Variants in RIT2 observed in about 807,000 individuals in gnomAD.
RIT2 encodes the protein Ras like without CAAX 2.
A neutral mutation model predicts 23.7 loss-of-function variants in RIT2; 24 were observed. The observed-to-expected ratio is 1.01, with a 90% CI of 0.73 to 1.43. The LOEUF is 1.43. RIT2 is among the 40% of genes most tolerant of loss of function. The pLI is 0.00. For synonymous variants in RIT2, 107 were observed against 91.1 expected (o/e 1.17, Z -0.99); for missense variants, 236 against 266.9 (o/e 0.88, Z 0.81).
At chr18:43,075,469 G>A (rs1332596174) in intron 1 of RIT2, among the ~76,000 whole-genome samples, 3 of 152,026 alleles carry the variant, frequency 2.0e-5, no homozygotes, top group Non-Finnish European at 4.4e-5. Flanking sequence ...AATTAGTTTA[G>A]AAACTGTGAG....
At chr18:43,012,687 C>A (rs1911377852) in intron 2 of RIT2, among the ~76,000 whole-genome samples, 1 of 150,890 alleles carries the variant, frequency 6.6e-6, no homozygotes, top group African/African-American at 2.4e-5. Flanking sequence ...TAATATAGTT[C>A]CATAGTATGA....
chr18:42,837,153 C>CTGTTTT (rs1906630342), intron 4 of RIT2, among the ~76,000 whole-genome samples: 1 of 51,682 alleles, frequency 1.9e-5, no homozygotes, highest in Non-Finnish European at 3.6e-5. Flanking sequence ...TTTTCTTTTT[C>CTGTTTT]TTTTTTTTTT....
At chr18:42,873,113 G>A (rs996713685) in intron 4 of RIT2, among the ~76,000 whole-genome samples, 7 of 152,148 alleles carry the variant, frequency 4.6e-5, no homozygotes, top group Non-Finnish European at 8.8e-5. Flanking sequence ...GACTTCATAT[G>A]ACTGGGTGTG....
At chr18:42,919,206 C>T (rs1598714510) in intron 4 of RIT2, among the ~76,000 whole-genome samples, 3 of 152,186 alleles carry the variant, frequency 2.0e-5, no homozygotes, top group Admixed American at 6.6e-5. Flanking sequence ...TCCTAATTCT[C>T]ATGGTTCCAA....
intron 1 of RIT2, among the ~76,000 whole-genome samples, chr18:43,065,215 TG>T (rs1488312110): frequency 2.8e-5 from 4 of 140,922 alleles, no homozygotes; most frequent in African/African-American, 7.8e-5. Flanking sequence ...TTCACTTTTT[TG>T]GGTTTTTTTT....
At chr18:43,034,249 C>T (rs924868424) in intron 1 of RIT2, among the ~76,000 whole-genome samples, 3 of 152,130 alleles carry the variant, frequency 2.0e-5, no homozygotes, top group Non-Finnish European at 4.4e-5. Flanking sequence ...TGTACATTCT[C>T]TGGGACTCTA....
chr18:42,909,375 T>C (rs2144116937), intron 4 of RIT2, among the ~76,000 whole-genome samples: 2 of 152,206 alleles, frequency 1.3e-5, no homozygotes, highest in East Asian at 3.9e-4. Context: ...GGGGACAGTG[T>C]ACACGGCTCA....
At chr18:42,895,771 C>T (rs1908312208) in intron 4 of RIT2, among the ~76,000 whole-genome samples, 1 of 152,184 alleles carries the variant, frequency 6.6e-6, no homozygotes, top group Non-Finnish European at 1.5e-5. Flanking sequence ...TCTCTATTAA[C>T]TGGCATAAAG....
chr18:42,981,430 T>C (rs1910596190), intron 2 of RIT2, among the ~76,000 whole-genome samples: 1 of 152,284 alleles, frequency 6.6e-6, no homozygotes, highest in East Asian at 1.9e-4. Flanking sequence ...AGGATTCCAA[T>C]GTACCTCTGA....
chr18:42,869,104 T>C lies in RIT2; in HGVS notation c.426+54468A>G, dbSNP rs910189059. On this transcript the variant is annotated intron_variant, in intron 4 of 4. Transcript: ENST00000326695. Reference sequence around the variant, plus strand: ...GTGGAACAAATTTTATTATTTCCTCTAAATCAGCAGTCCCCAAACTTATTG... The same window carrying C: ...GTGGAACAAATTTTATTATTTCCTCCAAATCAGCAGTCCCCAAACTTATTG... Among the ~76,000 whole-genome samples, 6 of 152,352 alleles carry C rather than the reference T, an allele frequency of 3.9e-5. No homozygotes were observed. In the East Asian group the frequency reaches 7.7e-4, roughly 20 times the overall value.
At chr18:42,956,646 C>A (rs1007077850) in intron 3 of RIT2, among the ~76,000 whole-genome samples, 1 of 152,154 alleles carries the variant, frequency 6.6e-6, no homozygotes, top group East Asian at 1.9e-4. Context: ...GGAGCAGTAC[C>A]ATCAATGGGC....
In RIT2 at chr18:43,099,338, G is replaced by A. The variant is rs77500147; in HGVS notation, c.103+16079C>T. Among the ~76,000 whole-genome samples the A allele has an allele frequency of 7.2e-3, 1,097 of 151,810 alleles. 16 individuals are homozygous for A. The highest frequency in any genetic ancestry group is 0.025 in the African/African-American group (1,042 of 41,280). The stretch of plus-strand genomic sequence containing the variant: ...CAAGGTTATAATGATCTATAAGCAA[G>A]TTTTTATTTACTCCCCTTTCATTTA... On this transcript the variant is annotated intron_variant, in intron 1 of 4. Coordinates refer to ENST00000326695, the MANE Select transcript of RIT2 (RefSeq NM_002930.4).
chr18:42,857,809 C>T (rs1208858057), intron 4 of RIT2, among the ~76,000 whole-genome samples: 1 of 152,158 alleles, frequency 6.6e-6, no homozygotes, highest in Non-Finnish European at 1.5e-5. Flanking sequence ...GAGGGAATTA[C>T]ATGGTATTTG....
intron 1 of RIT2, among the ~76,000 whole-genome samples, chr18:43,102,302 T>C (rs1396404809): frequency 1.3e-5 from 2 of 152,196 alleles, no homozygotes; most frequent in African/African-American, 2.4e-5. Context: ...CAAGAAACAA[T>C]TGTTCTTTGT....
intron 3 of RIT2, among the ~76,000 whole-genome samples, chr18:42,932,701 A>C (rs2144146745): frequency 6.6e-6 from 1 of 152,286 alleles, no homozygotes; most frequent in East Asian, 1.9e-4. Flanking sequence ...CCAGAAAGGT[A>C]GTGATGATAT....
rs1220219971 is a variant in RIT2, at chr18:42,827,000, T to C, written c.427-83280A>G. ...GGCAGTTATTTGGTTACTTAAAATA[T>C]ATGTCAGTTCTCTAAATTCATATGG... On this transcript the variant is annotated intron_variant, in intron 4 of 4. Coordinates refer to ENST00000326695, the MANE Select transcript of RIT2 (RefSeq NM_002930.4). Among the ~76,000 whole-genome samples the C allele has an allele frequency of 3.9e-5, 6 of 152,280 alleles. No individual in the cohort carries two copies. The East Asian group carries it at 7.7e-4, about 20-fold the overall frequency.
intron 1 of RIT2, among the ~76,000 whole-genome samples, chr18:43,038,209 A>AAAC: frequency 6.6e-6 from 1 of 150,628 alleles, no homozygotes; most frequent in Middle Eastern, 3.4e-3. Flanking sequence ...TGTCTCAAAA[A>AAAC]AAAAAAAAAG....
At chr18:42,796,970 C>T (rs1431387304) in intron 4 of RIT2, among the ~76,000 whole-genome samples, 1 of 151,860 alleles carries the variant, frequency 6.6e-6, no homozygotes, top group Admixed American at 6.5e-5. Context: ...TCCCTTTTTT[C>T]CTGAATTTAC....
At chr18:42,964,970 A>T (rs1000994288) in intron 3 of RIT2, among the ~76,000 whole-genome samples, 4 of 148,130 alleles carry the variant, frequency 2.7e-5, no homozygotes, top group African/African-American at 9.8e-5. Context: ...CTTGAGCAAA[A>T]ACAGTTGATT....
Sources: gnomAD v4.1 joint callset for allele counts (sites outside exome capture counted in the v4.1 genomes callset) on GRCh38, gnomAD v4.1.1 for gene constraint, MANE v1.5 for transcripts, NCBI Gene and HGNC (gene_info 2026-07-23, HGNC 2026-07-21) for gene names.